Variants in TSHZ3 observed in about 807,000 individuals in gnomAD.
TSHZ3 encodes the protein teashirt homolog 3.
In TSHZ3, 10 loss-of-function variants were observed where a neutral mutation model predicts 64.5. That is an observed-to-expected ratio of 0.16 (90% confidence interval 0.10 to 0.26). The LOEUF (loss-of-function observed/expected upper bound fraction) is 0.26, where lower values mean the gene tolerates loss of function less well. Ranked by LOEUF, TSHZ3 falls within the 10% of genes least tolerant of loss-of-function variation. The probability of loss-of-function intolerance (pLI) is 1.00; values close to 1 mark genes in which losing one functional copy is unlikely to be tolerated. For synonymous variants in TSHZ3, 608 were observed against 593.1 expected (o/e 1.03, Z -0.36); for missense variants, 1,242 against 1,421.7 (o/e 0.87, Z 2.03).
exon 7 of TSHZ3, among the ~76,000 whole-genome samples, chr19:31,150,809 A>G (rs73924582): frequency 3.3e-4 from 50 of 152,244 alleles, no homozygotes; most frequent in African/African-American, 1.2e-3. Context: ...CCCTTGGGCC[A>G]CCATGGTGTG....
chr19:31,244,926 G>A (rs539312014), intron 1 of TSHZ3, among the ~76,000 whole-genome samples: 13 of 152,298 alleles, frequency 8.5e-5, no homozygotes, highest in African/African-American at 3.1e-4. Context: ...TTATAGGCAT[G>A]AGCCACTGCT....
At chr19:31,316,998 C>T (rs560082689) in intron 1 of TSHZ3, among the ~76,000 whole-genome samples, 1 of 152,250 alleles carries the variant, frequency 6.6e-6, no homozygotes, top group Non-Finnish European at 1.5e-5. Context: ...GGGCCTGGCA[C>T]CTTCTATCAA....
chr19:31,180,191 T>G (rs1974689902), intron 5 of TSHZ3, among the ~76,000 whole-genome samples: 1 of 152,174 alleles, frequency 6.6e-6, no homozygotes. Context: ...GCAGGGTATC[T>G]GCTACTCAGG....
intron 1 of TSHZ3, among the ~76,000 whole-genome samples, chr19:31,266,323 G>A (rs1234799407): frequency 2.0e-5 from 3 of 152,324 alleles, no homozygotes; most frequent in Middle Eastern, 3.4e-3. Flanking sequence ...GATTAGCTGA[G>A]TATGGTGGTG....
At chr19:31,209,364 G>A (rs1284957504) in intron 4 of TSHZ3, among the ~76,000 whole-genome samples, 1 of 152,170 alleles carries the variant, frequency 6.6e-6, no homozygotes, top group Non-Finnish European at 1.5e-5. Context: ...TGGGTCCCCT[G>A]CTAGGGAGAC....
At chr19:31,292,594 G>A (rs139089619) in intron 1 of TSHZ3, among the ~76,000 whole-genome samples, 68 of 152,198 alleles carry the variant, frequency 4.5e-4, no homozygotes, top group Non-Finnish European at 6.8e-4. Flanking sequence ...CATGGAAGAC[G>A]AAGCAACTGA....
At chr19:31,303,626 C>G (rs1458547261) in intron 1 of TSHZ3, among the ~76,000 whole-genome samples, 1 of 152,124 alleles carries the variant, frequency 6.6e-6, no homozygotes, top group Non-Finnish European at 1.5e-5. Flanking sequence ...CCCGACCCCG[C>G]CCCATCTTCC....
At chr19:31,203,267 G>A (rs527450293) in intron 5 of TSHZ3, among the ~76,000 whole-genome samples, 1 of 152,138 alleles carries the variant, frequency 6.6e-6, no homozygotes, top group South Asian at 2.1e-4. Flanking sequence ...CATGCTGAAG[G>A]AACAACAAGG....
intron 1 of TSHZ3, among the ~76,000 whole-genome samples, chr19:31,264,242 G>A (rs1047034282): frequency 6.6e-6 from 1 of 152,332 alleles, no homozygotes; most frequent in African/African-American, 2.4e-5. Context: ...GCCAGTGACA[G>A]GCAGGAGGTG....
At chr19:31,158,805 A>T (rs183775954) in intron 5 of TSHZ3, among the ~76,000 whole-genome samples, 33 of 152,214 alleles carry the variant, frequency 2.2e-4, no homozygotes, top group Non-Finnish European at 7.3e-5. Flanking sequence ...GAAGCATGCA[A>T]CTAGATCCCT....
At chr19:31,249,992 A>G (rs967466119) in intron 1 of TSHZ3, among the ~76,000 whole-genome samples, 4 of 152,244 alleles carry the variant, frequency 2.6e-5, no homozygotes, top group African/African-American at 9.6e-5. Context: ...CTGGACTCAG[A>G]GAGGGACATG....
At chr19:31,175,147 G>A (rs781134380) in intron 5 of TSHZ3, among the ~76,000 whole-genome samples, 1 of 152,186 alleles carries the variant, frequency 6.6e-6, no homozygotes, top group Non-Finnish European at 1.5e-5. Context: ...CATCATGACT[G>A]GCAAGGCTGC....
chr19:31,300,065 A>T (rs1343835458), intron 1 of TSHZ3, among the ~76,000 whole-genome samples: 4 of 151,602 alleles, frequency 2.6e-5, no homozygotes, highest in Middle Eastern at 3.4e-3. Flanking sequence ...CACGCGAGAG[A>T]GTGTGTGTGT....
chr19:31,284,293 C>T (rs1223477790), intron 1 of TSHZ3, among the ~76,000 whole-genome samples: 2 of 151,968 alleles, frequency 1.3e-5, no homozygotes, highest in African/African-American at 4.8e-5. Context: ...CACATGGGCC[C>T]AGTCCAGCCA....
intron 4 of TSHZ3, among the ~76,000 whole-genome samples, chr19:31,208,299 G>A (rs111898709): frequency 1.4e-4 from 21 of 152,282 alleles, no homozygotes; most frequent in African/African-American, 3.9e-4. Flanking sequence ...AGGTCTCTTT[G>A]GGCATCCTGC....
chr19:31,339,045 G>A lies in TSHZ3; in HGVS notation c.40+10135C>T, dbSNP rs577757271. On this transcript the variant is annotated intron_variant, in intron 1 of 1. Coordinates refer to ENST00000240587, the MANE Select transcript of TSHZ3 (RefSeq NM_020856.4). ...AAATGATAAATGGTACCCGAAGCCC[G>A]GCATCCACCATCAATCTTTTTTTAA... is the stretch of plus-strand genomic sequence containing the variant. Among the ~76,000 whole-genome samples the A allele has an allele frequency of 3.9e-5, 6 of 152,024 alleles. No individual in the cohort carries two copies. In the South Asian group the frequency reaches 1.2e-3, roughly 32 times the overall value.
At chr19:31,183,178 TTCTCTCTCTCTCTCTCTCTCTC>T (rs750398873) in intron 5 of TSHZ3, among the ~76,000 whole-genome samples, 10 of 116,472 alleles carry the variant, frequency 8.6e-5, no homozygotes, top group Non-Finnish European at 1.2e-4. Flanking sequence ...TTCTATGAGA[TTCTCTCTCTCTCTCTCTCTCTC>T]TCTCTCTCTC....
chr19:31,221,711 G>A (rs956195044), intron 4 of TSHZ3, among the ~76,000 whole-genome samples: 8 of 152,152 alleles, frequency 5.3e-5, no homozygotes, highest in African/African-American at 9.7e-5. Context: ...GTGGCCTGTC[G>A]CTGGGCTTCA....
chr19:31,156,210 A>T (rs1436183112), intron 6 of TSHZ3, among the ~76,000 whole-genome samples: 1 of 152,246 alleles, frequency 6.6e-6, no homozygotes, highest in African/African-American at 2.4e-5. Flanking sequence ...TGTCTGTTGT[A>T]TTCAATGATG....
Sources: allele counts gnomAD v4.1 joint callset (sites outside exome capture counted in the v4.1 genomes callset), GRCh38; gene constraint gnomAD v4.1.1; transcripts MANE v1.5; gene names NCBI Gene and HGNC (gene_info 2026-07-23, HGNC 2026-07-21).